XKR9: variants seen among roughly 807,000 people sequenced by gnomAD.
XKR9 encodes the protein XK related 9.
A neutral mutation model predicts 32.0 loss-of-function variants in XKR9; 32 were observed. That is an observed-to-expected ratio of 1.00 (90% CI 0.76 to 1.34). The LOEUF (loss-of-function observed/expected upper bound fraction) is 1.34. XKR9 is among the 40% of genes most tolerant of loss of function. The pLI, the probability that XKR9 is intolerant of heterozygous loss-of-function variation, is 0.00. For synonymous variants in XKR9, 168 were observed against 143.4 expected (o/e 1.17, Z -1.22); for missense variants, 546 against 429.7 (o/e 1.27, Z -2.39).
chr8:70,830,366 A>G, the XKR9 span, among the ~76,000 whole-genome samples: 1 of 151,596 alleles, frequency 6.6e-6, no homozygotes. Context: ...GGATCCCTTG[A>G]GCCAAAGAGT....
chr8:70,706,920 GT>G lies in XKR9; in HGVS notation c.273-10del, dbSNP rs1563437211. ...TATAAAACTAAAGAGAAATGTTTAT[GT>G]TTACTTTATAGGTATTGGTTTGCCT... On this transcript the variant is annotated splice_polypyrimidine_tract_variant and intron_variant, in intron 3 of 4. Transcript: ENST00000408926. The G allele has an allele frequency of 1.3e-6, 2 of 1,584,280 alleles. No homozygotes were observed. Among genetic ancestry groups the G allele is most frequent in the Non-Finnish European group, 1.7e-6 (2 of 1,160,662 alleles).
chr8:70,739,753 C>T (rs966428587), downstream of XKR9, among the ~76,000 whole-genome samples: 87 of 152,276 alleles, frequency 5.7e-4, no homozygotes, highest in Admixed American at 4.0e-3. Flanking sequence ...ATATGAAATT[C>T]TGGGTTGAAA....
chr8:70,889,262 T>C, the XKR9 span, among the ~76,000 whole-genome samples: 1 of 151,966 alleles, frequency 6.6e-6, no homozygotes, highest in Admixed American at 6.6e-5. Flanking sequence ...TAGTTTGTTG[T>C]TGGCATATAG....
intron 2 of XKR9, among the ~76,000 whole-genome samples, chr8:70,758,892 C>T (rs772385683): frequency 3.9e-5 from 6 of 152,122 alleles, no homozygotes; most frequent in Admixed American, 6.6e-5. Context: ...CATGGAGCTG[C>T]CTGGTTGGTT....
At chr8:70,774,421 G>C (rs1807493203) in intron 2 of XKR9, among the ~76,000 whole-genome samples, 1 of 152,004 alleles carries the variant, frequency 6.6e-6, no homozygotes, top group African/African-American at 2.4e-5. Flanking sequence ...GGAATTACAG[G>C]GACTAGCCAC....
At chr8:70,764,390 G>A (rs560580121) in intron 2 of XKR9, among the ~76,000 whole-genome samples, 2 of 152,212 alleles carry the variant, frequency 1.3e-5, no homozygotes, top group East Asian at 1.9e-4. Flanking sequence ...CTTGGAGAGG[G>A]TAGGTCAGAA....
At chr8:70,718,266 GTTTA>G (rs984162642) in intron 4 of XKR9, among the ~76,000 whole-genome samples, 5 of 151,434 alleles carry the variant, frequency 3.3e-5, no homozygotes, top group African/African-American at 4.8e-5. Flanking sequence ...GGGTATCTTT[GTTTA>G]TTTATTTTAT....
At chr8:70,750,760 C>T (rs1807128505) in intron 2 of XKR9, among the ~76,000 whole-genome samples, 1 of 152,144 alleles carries the variant, frequency 6.6e-6, no homozygotes, top group Non-Finnish European at 1.5e-5. Flanking sequence ...AACTTTAGAA[C>T]ATTTTCATTA....
intron 2 of XKR9, among the ~76,000 whole-genome samples, chr8:70,752,582 C>G (rs1257125252): frequency 6.6e-6 from 1 of 152,162 alleles, no homozygotes; most frequent in Non-Finnish European, 1.5e-5. Flanking sequence ...ACCTAATCAC[C>G]TCTTAAAGTC....
intron 2 of XKR9, among the ~76,000 whole-genome samples, chr8:70,779,740 T>G (rs1043528989): frequency 1.1e-4 from 17 of 152,004 alleles, no homozygotes; most frequent in African/African-American, 4.1e-4. Context: ...ATTTATTTGC[T>G]TAGAGGTGTT....
the XKR9 span, among the ~76,000 whole-genome samples, chr8:70,873,266 T>C: frequency 6.6e-6 from 1 of 152,214 alleles, no homozygotes; most frequent in Non-Finnish European, 1.5e-5. Context: ...CAATTTCCAT[T>C]TTTCAGTCTA....
chr8:71,038,965 G>A, the XKR9 span, among the ~76,000 whole-genome samples: 985 of 151,726 alleles, frequency 6.5e-3, 15 homozygotes, highest in African/African-American at 0.022. Context: ...CACCGTACCC[G>A]GCTAATTTTT....
At chr8:70,902,435 C>A in the XKR9 span, among the ~76,000 whole-genome samples, 2 of 152,064 alleles carry the variant, frequency 1.3e-5, no homozygotes, top group Non-Finnish European at 2.9e-5. Context: ...GGAGTTCACT[C>A]ATGATTTGGC....
At chr8:70,707,509 A>G (rs1805763157) in intron 4 of XKR9, among the ~76,000 whole-genome samples, 1 of 152,048 alleles carries the variant, frequency 6.6e-6, no homozygotes, top group South Asian at 2.1e-4. Context: ...ATCTTAGTAC[A>G]GAAAAATTTC....
chr8:70,684,320 A>G, intron 3 of XKR9, among the ~76,000 whole-genome samples: 1 of 152,178 alleles, frequency 6.6e-6, no homozygotes, highest in East Asian at 1.9e-4. Context: ...GTTTAACATA[A>G]CTATTAAATG....
chr8:70,736,883 G>C (rs1382368991), downstream of XKR9, among the ~76,000 whole-genome samples: 2 of 151,920 alleles, frequency 1.3e-5, no homozygotes, highest in Non-Finnish European at 2.9e-5. Flanking sequence ...TTGTAGTATA[G>C]TTTGAAGTCA....
chr8:70,706,962 A>T lies in XKR9; in HGVS notation c.302A>T (p.His101Leu). The change falls in exon 4 of 5, where the codon CAT becomes CTT. Residue 101 changes from histidine (H) to leucine (L), a missense_variant. By Grantham distance (99) the His-to-Leu change is moderately conservative (BLOSUM62 -3). Transcript: ENST00000408926. ...RYWFALKRGY[H>L]AAFKYDSNTS... ...TGGTTTGCCTTAAAAAGGGGTTACC[A>T]TGCAGCTTTTAAATATGACAGCAAT... 1 of 1,612,990 alleles carries T rather than the reference A, an allele frequency of 6.2e-7. No homozygotes were observed.
rs61734027 is a variant in XKR9 at position 70,707,037 on chromosome 8, A to G, written c.377A>G (p.Asp126Gly). The G allele has an allele frequency of 3.6e-4, 576 of 1,613,432 alleles. 4 individuals are homozygous for G. In the African/African-American group the frequency reaches 7.0e-3, roughly 19 times the overall value. Residue 126 changes from aspartate (D) to glycine (G), a missense_variant, in exon 4 of 5, where the codon GAT becomes GGT. Coordinates refer to ENST00000408926, the MANE Select transcript of XKR9 (RefSeq NM_001011720.2). Reference sequence around the variant, plus strand: ...ATTGATCTACATAAAGAAGTTATAGATAGAGTGACTGATTTGAGCATGCTC... The same window carrying G: ...ATTGATCTACATAAAGAAGTTATAGGTAGAGTGACTGATTTGAGCATGCTC... ...EQIDLHKEVIDRVTDLSMLRL... is the reference protein window; with the variant it reads ...EQIDLHKEVIGRVTDLSMLRL...
At chr8:70,996,162 A>T in the XKR9 span, among the ~76,000 whole-genome samples, 1 of 152,244 alleles carries the variant, frequency 6.6e-6, no homozygotes, top group Non-Finnish European at 1.5e-5. Flanking sequence ...TTAACATGTG[A>T]TGTATGACAA....
Sources: gnomAD v4.1 joint callset for allele counts (sites outside exome capture counted in the v4.1 genomes callset) on GRCh38, gnomAD v4.1.1 for gene constraint, MANE v1.5 for transcripts, NCBI Gene and HGNC (gene_info 2026-07-23, HGNC 2026-07-21) for gene names.